Variants in COL24A1 observed in about 807,000 individuals in gnomAD.
COL24A1 encodes collagen type XXIV alpha 1 chain.
COL24A1 carries 224 observed loss-of-function variants against 253.9 expected under a neutral mutation model. The ratio of observed to expected loss-of-function variants is 0.88; its 90% CI spans 0.79 to 0.99. COL24A1 has a LOEUF of 0.99. COL24A1 is among the 50% of genes least tolerant of loss of function. The probability of loss-of-function intolerance (pLI) is 0.00; values close to 1 mark genes in which losing one functional copy is unlikely to be tolerated. For missense variants in COL24A1, 2,131 were observed against 2,068.5 expected, an observed-to-expected ratio of 1.03 and a Z score of -0.59; for synonymous variants, 685 against 673.7, an observed-to-expected ratio of 1.02 and a Z score of -0.26.
chr1:85,773,380 G>C (rs1217211583), intron 53 of COL24A1, among the ~76,000 whole-genome samples: 1 of 151,968 alleles, frequency 6.6e-6, no homozygotes, highest in Non-Finnish European at 1.5e-5. Flanking sequence ...TATGAAGTTT[G>C]AAGTAGTTTT....
chr1:85,888,604 G>A (rs1017383066), intron 32 of COL24A1, among the ~76,000 whole-genome samples: 2 of 151,990 alleles, frequency 1.3e-5, no homozygotes. Flanking sequence ...TGAAATGGCA[G>A]GTTAAGATAT....
chr1:85,794,661 C>T (rs1397610139), intron 47 of COL24A1, among the ~76,000 whole-genome samples: 1 of 152,146 alleles, frequency 6.6e-6, no homozygotes, highest in African/African-American at 2.4e-5. Context: ...GCAAGAGAAA[C>T]AGATGCTAAC....
chr1:85,889,704 C>T, intron 31 of COL24A1, 91 bp from the exon 32 acceptor site: 1 of 1,091,364 alleles, frequency 9.2e-7, no homozygotes, highest in South Asian at 1.4e-5. Context: ...TGGATCCTTC[C>T]ACCCAACTTT....
At chr1:85,738,608 A>AT (rs2100855338) in intron 57 of COL24A1, among the ~76,000 whole-genome samples, 1 of 152,346 alleles carries the variant, frequency 6.6e-6, no homozygotes, top group South Asian at 2.1e-4. Flanking sequence ...GAATTTTTGA[A>AT]TAAGGCAGCC....
intron 39 of COL24A1, among the ~76,000 whole-genome samples, chr1:85,847,331 T>C (rs1677241406): frequency 6.6e-6 from 1 of 152,238 alleles, no homozygotes; most frequent in African/African-American, 2.4e-5. Context: ...CATGACAGCA[T>C]AGTTTTATAC....
At position 85,969,604 on chromosome 1, in the gene COL24A1, CAAAAAAAAAAAAAAAA is replaced by C. The variant is rs61128567; in HGVS notation, c.2463+607_2463+622del. Among the ~76,000 whole-genome samples the C allele has an allele frequency of 1.5e-4, 4 of 27,472 alleles. 1 individual carries two copies. Among genetic ancestry groups the C allele is most frequent in the Admixed American group, 1.8e-3 (2 of 1,132 alleles). 18.0% of individuals were successfully genotyped at this position (27,472 alleles called of 152,430 possible). ...TGGATGACAGAGTGAGACTCTGTCT[CAAAAAAAAAAAAAAAA>C]AAAAAAAAAAAAAAAGGAAGAACCA... is the stretch of plus-strand genomic sequence containing the variant. On this transcript the variant is annotated intron_variant, in intron 22 of 59. Transcript: ENST00000370571.
At chr1:85,860,422 G>A (rs1233887911) in intron 37 of COL24A1, among the ~76,000 whole-genome samples, 2 of 152,044 alleles carry the variant, frequency 1.3e-5, no homozygotes, top group African/African-American at 4.8e-5. Flanking sequence ...GTATAGATTT[G>A]CCTATTTAGG....
intron 52 of COL24A1, among the ~76,000 whole-genome samples, chr1:85,777,376 T>C (rs77440066): frequency 0.056 from 8,457 of 152,234 alleles, 327 homozygotes; most frequent in Middle Eastern, 0.085. Flanking sequence ...GACAAATACA[T>C]TTATGTATGT....
intron 7 of COL24A1, among the ~76,000 whole-genome samples, chr1:86,066,923 A>T (rs1701533264): frequency 6.6e-6 from 1 of 152,122 alleles, no homozygotes; most frequent in Non-Finnish European, 1.5e-5. Context: ...GGATCATCTG[A>T]GGTCAGTAGT....
chr1:86,003,688 T>C (rs1326445789), intron 19 of COL24A1, among the ~76,000 whole-genome samples: 9 of 151,998 alleles, frequency 5.9e-5, no homozygotes, highest in Admixed American at 2.0e-4. Flanking sequence ...CTCATCATCT[T>C]TTGTGTGGCA....
chr1:85,996,536 T>G (rs12403155), intron 19 of COL24A1, among the ~76,000 whole-genome samples: 58,485 of 149,014 alleles, frequency 0.39, 11,974 homozygotes, highest in East Asian at 0.57. Flanking sequence ...CTAGGGAGGC[T>G]GAGGCAGGAG....
intron 19 of COL24A1, among the ~76,000 whole-genome samples, chr1:85,988,356 A>G (rs1693924206): frequency 6.6e-6 from 1 of 152,054 alleles, no homozygotes; most frequent in South Asian, 2.1e-4. Flanking sequence ...TTAGCAGTCT[A>G]AAATACTTGG....
chr1:85,934,900 G>T (rs1435335658), intron 24 of COL24A1, among the ~76,000 whole-genome samples: 4 of 151,518 alleles, frequency 2.6e-5, no homozygotes, highest in Non-Finnish European at 5.9e-5. Flanking sequence ...TATATACCAA[G>T]AATTTACATT....
chr1:85,947,694 T>A (rs1357260056), intron 24 of COL24A1, among the ~76,000 whole-genome samples: 4 of 152,196 alleles, frequency 2.6e-5, no homozygotes, highest in African/African-American at 9.6e-5. Flanking sequence ...ATGTATCACA[T>A]TACGAAGACT....
chr1:85,827,041 A>G (rs1674454254), intron 43 of COL24A1, among the ~76,000 whole-genome samples: 2 of 151,984 alleles, frequency 1.3e-5, no homozygotes, highest in African/African-American at 4.8e-5. Context: ...TTGCCCATTC[A>G]GTATGATATT....
intron 35 of COL24A1, among the ~76,000 whole-genome samples, chr1:85,873,999 T>C (rs1680852184): frequency 6.6e-6 from 1 of 152,100 alleles, no homozygotes; most frequent in South Asian, 2.1e-4. Context: ...GCTCCATCTT[T>C]CCCATTCACC....
Position 85,741,974 on chromosome 1 carries a change from G to A in COL24A1, c.4672+2692C>T, listed in dbSNP as rs541170390. Among the ~76,000 whole-genome samples, 7 of 151,936 alleles carry A rather than the reference G, an allele frequency of 4.6e-5. No homozygotes were observed. The East Asian group carries it at 1.4e-3, about 29-fold the overall frequency. On this transcript the variant is annotated intron_variant, in intron 57 of 59. Coordinates refer to ENST00000370571, the MANE Select transcript of COL24A1 (RefSeq NM_152890.7). ...TAATCCCTTCCCTCCCTCCTCCTCTGGCAAACATTTTCTTTGCTTGATTTT... is the reference window on the plus strand; with the variant it reads ...TAATCCCTTCCCTCCCTCCTCCTCTAGCAAACATTTTCTTTGCTTGATTTT...
In COL24A1 at chr1:85,908,724, G is replaced by C. The variant is rs558323837; in HGVS notation, c.2671-73C>G. Reference sequence around the variant, plus strand: ...AATTATTTTCATTGAAGACAAGCCAGTAAATTATAAACAATAATAAAAAGG... The same window carrying C: ...AATTATTTTCATTGAAGACAAGCCACTAAATTATAAACAATAATAAAAAGG... On this transcript the variant is annotated intron_variant, in intron 26 of 59. Coordinates refer to ENST00000370571, the MANE Select transcript of COL24A1 (RefSeq NM_152890.7). The C allele has an allele frequency of 1.4e-4, 86 of 626,096 alleles. No homozygotes were observed. The African/African-American group carries it at 1.6e-3, about 11-fold the overall frequency. 38.8% of individuals were successfully genotyped at this position (626,096 alleles called of 1,614,324 possible).
At position 86,126,053 on chromosome 1, in the gene COL24A1, C is replaced by T. The variant is rs74097691; in HGVS notation, c.283G>A (p.Val95Met). 7.8e-3 allele frequency: 12,554 copies of T among 1,613,438 alleles called. 848 individuals are homozygous for T. The African/African-American group carries it at 0.15, about 19-fold the overall frequency. ...KNDAYIETPF[V>M]KILPVNLGQP... ...CCCAAGTTGACTGGTAAAATTTTCA[C>T]GAAAGGTGTCTCGATATAAGCATCA... is the stretch of plus-strand genomic sequence containing the variant. Residue 95 changes from valine (V) to methionine (M), a missense_variant, in exon 3 of 60, where the codon GTG becomes ATG. Physicochemically the swap from Val to Met is conservative, Grantham distance 21. Transcript: ENST00000370571.
Sources: allele counts gnomAD v4.1 joint callset (sites outside exome capture counted in the v4.1 genomes callset), GRCh38; gene constraint gnomAD v4.1.1; transcripts MANE v1.5; gene names NCBI Gene and HGNC (gene_info 2026-07-23, HGNC 2026-07-21).